The following TPST2 variants were observed in gnomAD, a reference collection of about 807,000 sequenced individuals.
The protein encoded by TPST2 is tyrosylprotein sulfotransferase 2.
A neutral mutation model predicts 27.8 loss-of-function variants in TPST2; 16 were observed. The ratio of observed to expected loss-of-function variants is 0.58; its 90% CI spans 0.39 to 0.88. The LOEUF (loss-of-function observed/expected upper bound fraction) is 0.88. Among genes scored for constraint, TPST2 ranks in the 40% least tolerant of loss-of-function variants. The pLI is 0.00. For missense variants in TPST2, 464 were observed against 543.1 expected (o/e 0.85, Z 1.45); for synonymous variants, 229 against 231.7 (o/e 0.99, Z 0.10).
At chr22:26,550,381 C>T (rs936055470) in intron 1 of TPST2, among the ~76,000 whole-genome samples, 1 of 152,100 alleles carries the variant, frequency 6.6e-6, no homozygotes, top group African/African-American at 2.4e-5. Context: ...GAGGCATTCC[C>T]CAGGGGTTAA....
intron 2 of TPST2, among the ~76,000 whole-genome samples, chr22:26,543,757 C>G (rs147171190): frequency 6.6e-6 from 1 of 152,314 alleles, no homozygotes; most frequent in East Asian, 1.9e-4. Context: ...TCAGACCAGG[C>G]CAAGGCTGAA....
chr22:26,526,841 G>A (rs901718821), intron 6 of TPST2, among the ~76,000 whole-genome samples: 1 of 152,172 alleles, frequency 6.6e-6, no homozygotes, highest in Non-Finnish European at 1.5e-5. Flanking sequence ...ACTTTGGGAG[G>A]CTGAGGTGGG....
intron 1 of TPST2, among the ~76,000 whole-genome samples, chr22:26,566,948 C>A (rs1344634777): frequency 1.3e-5 from 2 of 152,174 alleles, no homozygotes; most frequent in African/African-American, 2.4e-5. Context: ...CTGTCCCATG[C>A]ATTGTAGGAT....
intron 5 of TPST2, among the ~76,000 whole-genome samples, chr22:26,530,631 C>CAAAAAAAAAAAA (rs34776057): frequency 8.5e-6 from 1 of 118,304 alleles, no homozygotes; most frequent in South Asian, 3.2e-4. Context: ...AACCCCATCT[C>CAAAAAAAAAAAA]AAAAAAAAAA....
intron 1 of TPST2, among the ~76,000 whole-genome samples, chr22:26,576,431 A>G (rs962454124): frequency 2.0e-5 from 3 of 152,150 alleles, no homozygotes; most frequent in African/African-American, 7.2e-5. Flanking sequence ...TGGTTAGGGG[A>G]AGCAAGTCAT....
intron 1 of TPST2, among the ~76,000 whole-genome samples, chr22:26,584,677 C>A (rs1245951387): frequency 1.3e-5 from 2 of 151,460 alleles, no homozygotes; most frequent in African/African-American, 4.9e-5. Context: ...AACAAACAAA[C>A]AAAAAAACCC....
chr22:26,540,436 C>T (rs770255846), intron 3 of TPST2, among the ~76,000 whole-genome samples: 2 of 152,042 alleles, frequency 1.3e-5, no homozygotes, highest in Non-Finnish European at 2.9e-5. Context: ...CCATCTCTAC[C>T]AAAAATACAA....
rs550550900 is a variant in TPST2 at position 26,567,312 on chromosome 22, T to C, written c.-160-22637A>G. Reference sequence around the variant, plus strand: ...CCCCCTGCGCTCACCACTGGTGCAGTCCCCTCCAAGGGTAGGAAATGGGCC... The same window carrying C: ...CCCCCTGCGCTCACCACTGGTGCAGCCCCCTCCAAGGGTAGGAAATGGGCC... On this transcript the variant is annotated intron_variant, in intron 1 of 6. Coordinates refer to ENST00000338754, the MANE Select transcript of TPST2 (RefSeq NM_003595.5). Among the ~76,000 whole-genome samples the C allele has an allele frequency of 9.2e-5, 14 of 152,306 alleles. No homozygotes were observed. In the South Asian group the frequency reaches 2.7e-3, roughly 29 times the overall value.
At chr22:26,570,025 A>G (rs377721702) in intron 1 of TPST2, among the ~76,000 whole-genome samples, 1 of 125,900 alleles carries the variant, frequency 7.9e-6, no homozygotes, top group African/African-American at 3.4e-5. Context: ...GAAAGAAAGA[A>G]AGAAAGAAAG....
intron 5 of TPST2, among the ~76,000 whole-genome samples, chr22:26,532,339 G>A (rs1569177175): frequency 2.6e-5 from 4 of 152,114 alleles, no homozygotes; most frequent in East Asian, 1.9e-4. Context: ...ACAGTGCAAC[G>A]GCGTGATCTC....
chr22:26,548,873 CAGG>C (rs1926285317), intron 1 of TPST2, among the ~76,000 whole-genome samples: 1 of 152,032 alleles, frequency 6.6e-6, no homozygotes. Context: ...GATGCTGAGG[CAGG>C]AGGATCACTT....
intron 1 of TPST2, among the ~76,000 whole-genome samples, chr22:26,574,730 G>A (rs1927764617): frequency 6.6e-6 from 1 of 152,174 alleles, no homozygotes; most frequent in Admixed American, 6.5e-5. Context: ...TCCTTGCAAT[G>A]AAGGAGCACT....
Position 26,540,775 on chromosome 22 carries a change from G to C in TPST2, c.842+14C>G. ...GGCCAGAGTCTGAGTGGAAGCATCA[G>C]GGGCTCCACTCACTTGGACAGGGAG... On this transcript the variant is annotated intron_variant, in intron 3 of 6. Transcript: ENST00000338754. 6.4e-7 allele frequency: 1 copy of C among 1,557,354 alleles called. No individual in the cohort carries two copies. The highest frequency in any genetic ancestry group is 8.7e-7 in the Non-Finnish European group (1 of 1,149,072).
intron 1 of TPST2, among the ~76,000 whole-genome samples, chr22:26,568,949 C>T (rs994800331): frequency 1.5e-4 from 22 of 150,960 alleles, no homozygotes; most frequent in African/African-American, 3.2e-4. Flanking sequence ...CTGCAAGCTC[C>T]GCCTCCTGGG....
intron 1 of TPST2, among the ~76,000 whole-genome samples, chr22:26,578,450 G>A (rs953628755): frequency 6.6e-6 from 1 of 152,160 alleles, no homozygotes; most frequent in Non-Finnish European, 1.5e-5. Context: ...TGTTGAAGAA[G>A]CCCTCCATCC....
At chr22:26,588,142 A>ATATATCC (rs1928413288) in intron 1 of TPST2, among the ~76,000 whole-genome samples, 1 of 152,026 alleles carries the variant, frequency 6.6e-6, no homozygotes, top group Non-Finnish European at 1.5e-5. Flanking sequence ...AAATGGATAG[A>ATATATCC]ATGTGGTATA....
rs1925863427 is a variant in TPST2 at position 26,541,855 on chromosome 22, G to A, written c.-88-137C>T. 1 of 868,364 alleles carries A rather than the reference G, an allele frequency of 1.2e-6. No homozygotes were observed. The highest frequency in any genetic ancestry group is 1.6e-6 in the Non-Finnish European group (1 of 606,946). 53.8% of individuals were successfully genotyped at this position (868,364 alleles called of 1,614,324 possible). A position where few individuals can be genotyped will look rare whatever the true frequency, so the allele number is the denominator to read the frequency against. On this transcript the variant is annotated intron_variant, in intron 2 of 6. Coordinates refer to ENST00000338754, the MANE Select transcript of TPST2 (RefSeq NM_003595.5). This position sits in a 1 kb window ranked among gnomAD's most constrained non-coding sequence, Gnocchi z 5.9. The stretch of plus-strand genomic sequence containing the variant: ...GGCACCTTTCATAAGCACTAGCTGT[G>A]TGCCTGGCACCCTGCTGGGCACTTT...
intron 1 of TPST2, among the ~76,000 whole-genome samples, chr22:26,576,533 G>C (rs1169632814): frequency 6.6e-6 from 1 of 152,084 alleles, no homozygotes; most frequent in Non-Finnish European, 1.5e-5. Context: ...AGCGTCCCAA[G>C]TAGAAGGAAC....
intron 1 of TPST2, among the ~76,000 whole-genome samples, chr22:26,563,470 A>G (rs926136581): frequency 2.6e-5 from 4 of 151,834 alleles, no homozygotes; most frequent in Non-Finnish European, 4.4e-5. Flanking sequence ...CTGGGACTAC[A>G]GGCACCCGCC....
Sources: allele counts gnomAD v4.1 joint callset (sites outside exome capture counted in the v4.1 genomes callset), GRCh38; gene constraint gnomAD v4.1.1; non-coding constraint Gnocchi (gnomAD v3.1); transcripts MANE v1.5; gene names NCBI Gene and HGNC (gene_info 2026-07-23, HGNC 2026-07-21).